The following BTN2A2 variants were observed in gnomAD, a reference collection of about 807,000 sequenced individuals.
BTN2A2 encodes butyrophilin 2.
A neutral mutation model predicts 34.7 loss-of-function variants in BTN2A2; 29 were observed. That is an observed-to-expected ratio of 0.84 (90% CI 0.62 to 1.14). BTN2A2 has a LOEUF of 1.14. BTN2A2 is among the 50% of genes most tolerant of loss of function. BTN2A2 has a pLI of 0.00. For missense variants in BTN2A2, 612 were observed against 651.5 expected, an observed-to-expected ratio of 0.94 and a Z score of 0.66; for synonymous variants, 240 against 253.1, an observed-to-expected ratio of 0.95 and a Z score of 0.49.
intron 3 of BTN2A2, among the ~76,000 whole-genome samples, chr6:26,387,066 C>T (rs975361394): frequency 6.6e-6 from 1 of 152,194 alleles, no homozygotes; most frequent in African/African-American, 2.4e-5. Flanking sequence ...TTTTGCAGCT[C>T]TCTCACTCTG....
Position 26,393,027 on chromosome 6 carries a change from C to A in BTN2A2, c.*60C>A, listed in dbSNP as rs989623774. 5.0e-6 allele frequency: 8 copies of A among 1,613,088 alleles called. No homozygotes were observed. The highest frequency in any genetic ancestry group is 1.7e-5 in the Admixed American group (1 of 59,970). On this transcript the variant is annotated 3_prime_UTR_variant, in exon 8 of 8. Transcript: ENST00000356709. The stretch of plus-strand genomic sequence containing the variant: ...GCCCTGGCCATCTCAGCAGCCACCG[C>A]ACAACCCCCCTAATGAAAGACACGC...
Position 26,392,874 on chromosome 6 carries a change from C to T in BTN2A2, c.1479C>T (p.Ile493=). 1.2e-6 allele frequency: 2 copies of T among 1,614,242 alleles called. No homozygotes were observed. Among genetic ancestry groups the T allele is most frequent in the Non-Finnish European group, 1.7e-6 (2 of 1,180,042 alleles). Residue 493 remains isoleucine, a synonymous_variant, in exon 8 of 8, where the codon ATC becomes ATT. Transcript: ENST00000356709. Reference sequence around the variant, plus strand: ...GGTTAGGGTCTGATGACAGCCCCATCTTCATCTGCCCTGCACTCACAGGAG... The same window carrying T: ...GGTTAGGGTCTGATGACAGCCCCATTTTCATCTGCCCTGCACTCACAGGAG... ...FFRLGSDDSP[I]FICPALTGAS...
intron 7 of BTN2A2, chr6:26,391,251 G>T (rs148532438): frequency 4.7e-5 from 11 of 234,884 alleles, no homozygotes; most frequent in African/African-American, 1.6e-4. Flanking sequence ...GGCCATAAGG[G>T]TCCCCAGTAA....
rs1761000982 is a variant in BTN2A2 at position 26,383,691 on chromosome 6, G to T, written c.-30-101G>T. On this transcript the variant is annotated intron_variant, in intron 1 of 7. Coordinates refer to ENST00000356709, the MANE Select transcript of BTN2A2 (RefSeq NM_006995.5). This position sits in a 1 kb window ranked among gnomAD's most constrained non-coding sequence, Gnocchi z 4.4. ...GAGATGCAAGCGACTCCCAGAAGTT[G>T]GGGCACCGATGAGACCTACTTGAGT... The T allele has an allele frequency of 1.2e-6, 1 of 845,002 alleles. No homozygotes were observed. Among genetic ancestry groups the T allele is most frequent in the Non-Finnish European group, 1.9e-6 (1 of 512,890 alleles). The allele number at this position is 845,002 out of a possible 1,614,324, so 52.3% of individuals were successfully genotyped here. A position where few individuals can be genotyped will look rare whatever the true frequency, so the allele number is the denominator to read the frequency against.
Position 26,385,160 on chromosome 6 carries a change from T to G in BTN2A2, c.240T>G (p.Phe80Leu). 1 of 1,613,786 alleles carries G rather than the reference T, an allele frequency of 6.2e-7. No individual in the cohort carries two copies. Among genetic ancestry groups the G allele is most frequent in the South Asian group, 1.1e-5 (1 of 91,050 alleles). Residue 80 changes from phenylalanine to leucine, a missense_variant, in exon 3 of 8, where the codon TTT becomes TTG. Transcript: ENST00000356709. ...WFRSQFSPAV[F>L]VYKGGRERTE... Reference sequence around the variant, plus strand: ...GGTCTCAGTTCTCCCCCGCAGTGTTTGTGTATAAGGGTGGGAGAGAGAGAA... The same window carrying G: ...GGTCTCAGTTCTCCCCCGCAGTGTTGGTGTATAAGGGTGGGAGAGAGAGAA...
Position 26,384,003 on chromosome 6 carries a change from G to T in BTN2A2, c.94+88G>T. On this transcript the variant is annotated intron_variant, in intron 2 of 7. Transcript: ENST00000356709. The surrounding 1 kb of genome is among the most constrained non-coding windows in gnomAD (Gnocchi z 4.0). ...CAAAGGGAAAGAAGGAAGAACTGTG[G>T]GGTTGTTGACTTATCCTTTCATTCT... 1 of 1,450,198 alleles carries T rather than the reference G, an allele frequency of 6.9e-7. No homozygotes were observed. The highest frequency in any genetic ancestry group is 2.3e-5 in the East Asian group (1 of 43,870). The allele number at this position is 1,450,198 out of a possible 1,614,324, so 89.8% of individuals were successfully genotyped here. A position where few individuals can be genotyped will look rare whatever the true frequency, so the allele number is the denominator to read the frequency against.
rs1040155369 is a variant in BTN2A2, at chr6:26,384,760, G to A, written c.95-255G>A. Among the ~76,000 whole-genome samples the A allele has an allele frequency of 1.3e-5, 2 of 152,144 alleles. No individual in the cohort carries two copies. Among genetic ancestry groups the A allele is most frequent in the Non-Finnish European group, 1.5e-5 (1 of 68,014 alleles). On this transcript the variant is annotated intron_variant, in intron 2 of 7. Coordinates refer to ENST00000356709, the MANE Select transcript of BTN2A2 (RefSeq NM_006995.5). This position sits in a 1 kb window ranked among gnomAD's most constrained non-coding sequence, Gnocchi z 4.0. Reference sequence around the variant, plus strand: ...CTCAGGGGCACAGGGTGCCCAGGGCGGGCTCCCCAATGTTTCCTTCGTGAA... The same window carrying A: ...CTCAGGGGCACAGGGTGCCCAGGGCAGGCTCCCCAATGTTTCCTTCGTGAA...
At chr6:26,386,897 T>C (rs759135665) in intron 3 of BTN2A2, among the ~76,000 whole-genome samples, 2 of 152,246 alleles carry the variant, frequency 1.3e-5, no homozygotes, top group African/African-American at 4.8e-5. Flanking sequence ...AACTAGCTTT[T>C]TTCTCCTGAC....
At position 26,392,796 on chromosome 6, in the gene BTN2A2, C is replaced by T. The variant is rs756240070; in HGVS notation, c.1401C>T (p.His467=). ...VSFYNMRDRS[H]IYTCPRSAFT... Reference sequence around the variant, plus strand: ...TCTACAACATGAGGGACAGATCGCACATCTACACATGTCCCCGTTCAGCCT... The same window carrying T: ...TCTACAACATGAGGGACAGATCGCATATCTACACATGTCCCCGTTCAGCCT... Residue 467 remains histidine, a synonymous_variant, in exon 8 of 8, where the codon CAC becomes CAT. Coordinates refer to ENST00000356709, the MANE Select transcript of BTN2A2 (RefSeq NM_006995.5). 8.1e-6 allele frequency: 13 copies of T among 1,613,444 alleles called. No individual in the cohort carries two copies. Among genetic ancestry groups the T allele is most frequent in the Non-Finnish European group, 1.1e-5 (13 of 1,179,806 alleles).
chr6:26,385,641 C>T (rs1761149441), intron 3 of BTN2A2: 3 of 323,120 alleles, frequency 9.3e-6, no homozygotes, highest in Admixed American at 4.5e-5. Context: ...ACCTCTGCCT[C>T]CTGGGTTCAA....
chr6:26,391,099 A>G, intron 7 of BTN2A2: 1 of 581,838 alleles, frequency 1.7e-6, no homozygotes, highest in Admixed American at 3.0e-5. Flanking sequence ...TTTCCCATGC[A>G]TAGTAGCCTC....
chr6:26,388,389 G>A, intron 4 of BTN2A2, 95 bp downstream of exon 4: 1 of 1,461,914 alleles, frequency 6.8e-7, no homozygotes, highest in Non-Finnish European at 9.4e-7. Context: ...CAGTGTGGGT[G>A]GAATGGTCCT....
At chr6:26,391,167 A>G (rs2237235) in intron 7 of BTN2A2, 86,191 of 477,682 alleles carry the variant, frequency 0.18, 8,914 homozygotes, top group Non-Finnish European at 0.21. Context: ...TTGAAATAAG[A>G]TAATGCTGTC....
Position 26,394,094 on chromosome 6 carries a change from G to A in BTN2A2, c.*1127G>A, listed in dbSNP as rs1761757843. On this transcript the variant is annotated 3_prime_UTR_variant, in exon 8 of 8. Transcript: ENST00000356709. The stretch of plus-strand genomic sequence containing the variant: ...AACCTATTGGTATATCATAGGTCAT[G>A]TTAGCTCAAAAAAACTTTACTGCAC... 4.0e-6 allele frequency: 2 copies of A among 503,820 alleles called. No individual in the cohort carries two copies. Among genetic ancestry groups the A allele is most frequent in the Non-Finnish European group, 7.0e-6 (2 of 284,084 alleles). 31.2% of individuals were successfully genotyped at this position (503,820 alleles called of 1,614,324 possible). A position where few individuals can be genotyped will look rare whatever the true frequency, so the allele number is the denominator to read the frequency against.
rs1177225503 is a variant in BTN2A2, at chr6:26,390,758, A to T, written c.953-45A>T. The T allele has an allele frequency of 6.2e-7, 1 of 1,614,254 alleles. No homozygotes were observed. Among genetic ancestry groups the T allele is most frequent in the Admixed American group, 1.7e-5 (1 of 60,032 alleles). ...TCCGTGTACAATTTGTGTTCTGCTT[A>T]CTTAGCAGTGTCTCGTGACATTCAC... On this transcript the variant is annotated intron_variant, in intron 6 of 7. Coordinates refer to ENST00000356709, the MANE Select transcript of BTN2A2 (RefSeq NM_006995.5).
At position 26,394,771 on chromosome 6, in the gene BTN2A2, T is replaced by A. The variant is rs1305549029; in HGVS notation, c.*1804T>A. On this transcript the variant is annotated 3_prime_UTR_variant, in exon 8 of 8. Transcript: ENST00000356709. Reference sequence around the variant, plus strand: ...GCCTGCTCATAGATCTGTATCTACATCTATATCTGTATGTGCATCTATATC... The same window carrying A: ...GCCTGCTCATAGATCTGTATCTACAACTATATCTGTATGTGCATCTATATC... The A allele has an allele frequency of 6.2e-6, 1 of 161,638 alleles. No homozygotes were observed. Among genetic ancestry groups the A allele is most frequent in the African/African-American group, 2.4e-5 (1 of 41,752 alleles). 10.0% of individuals were successfully genotyped at this position (161,638 alleles called of 1,614,324 possible).
chr6:26,391,718 A>G (rs1206532202), intron 7 of BTN2A2: 1 of 157,204 alleles, frequency 6.4e-6, no homozygotes, highest in Non-Finnish European at 1.4e-5. Context: ...TAGATGTCAG[A>G]CTCATATTGT....
chr6:26,388,220 A>G lies in BTN2A2; in HGVS notation c.650A>G (p.Tyr217Cys), dbSNP rs1170645800. 2 of 1,614,194 alleles carry G rather than the reference A, an allele frequency of 1.2e-6. No homozygotes were observed. The highest frequency in any genetic ancestry group is 1.7e-5 in the Admixed American group (1 of 60,018). Residue 217 changes from tyrosine to cysteine, a missense_variant, in exon 4 of 8, where the codon TAT becomes TGT. Transcript: ENST00000356709. Reference sequence around the variant, plus strand: ...ACAGCTGTGATCATCAGAGACAAGTATGTGAGGAATGTGTCCTGCTCTGTC... The same window carrying G: ...ACAGCTGTGATCATCAGAGACAAGTGTGTGAGGAATGTGTCCTGCTCTGTC... ...VTTAVIIRDKYVRNVSCSVNN... is the reference protein window; with the variant it reads ...VTTAVIIRDKCVRNVSCSVNN...
chr6:26,393,332 G>C lies in BTN2A2; in HGVS notation c.*365G>C. On this transcript the variant is annotated 3_prime_UTR_variant, in exon 8 of 8. Transcript: ENST00000356709. ...AGTTGGCACCAGATGCTGTGGACTTGGAATGAGGCCAACAGGGTTCACCAG... is the reference window on the plus strand; with the variant it reads ...AGTTGGCACCAGATGCTGTGGACTTCGAATGAGGCCAACAGGGTTCACCAG... The C allele has an allele frequency of 8.2e-7, 1 of 1,220,178 alleles. No individual in the cohort carries two copies. Among genetic ancestry groups the C allele is most frequent in the Non-Finnish European group, 1.0e-6 (1 of 964,556 alleles). The allele number at this position is 1,220,178 out of a possible 1,614,324, so 75.6% of individuals were successfully genotyped here. A position where few individuals can be genotyped will look rare whatever the true frequency, so the allele number is the denominator to read the frequency against.
Sources: gnomAD v4.1 joint callset for allele counts (sites outside exome capture counted in the v4.1 genomes callset) on GRCh38, gnomAD v4.1.1 for gene constraint, Gnocchi (gnomAD v3.1) non-coding constraint, MANE v1.5 for transcripts, NCBI Gene and HGNC (gene_info 2026-07-23, HGNC 2026-07-21) for gene names.